CFAP47: variants seen among roughly 807,000 people sequenced by gnomAD.
The protein encoded by CFAP47 is cilia- and flagella-associated protein 47.
A neutral mutation model predicts 148.1 loss-of-function variants in CFAP47; 29 were observed. The observed-to-expected ratio is 0.20, with a 90% confidence interval of 0.15 to 0.27. The LOEUF is 0.27. Ranked by LOEUF, CFAP47 falls within the 10% of genes least tolerant of loss-of-function variation. The probability of loss-of-function intolerance (pLI) is 1.00; values close to 1 mark genes in which losing one functional copy is unlikely to be tolerated. For synonymous variants in CFAP47, 664 were observed against 577.3 expected (o/e 1.15, Z -2.15); for missense variants, 1,872 against 1,697.5 (o/e 1.10, Z -1.81).
At chrX:36,264,240 G>T (rs1940864089) in intron 49 of CFAP47, among the ~76,000 whole-genome samples, 1 of 111,714 alleles carries the variant, frequency 9.0e-6, no homozygotes, top group South Asian at 3.8e-4. Context: ...GGACTTCAGT[G>T]ATGCCAGCTC....
chrX:35,955,832 T>C, intron 7 of CFAP47, 129 bp from the exon 8 acceptor site: 2 of 954,480 alleles, frequency 2.1e-6, no homozygotes, highest in South Asian at 2.5e-5. Context: ...TCAATAATTG[T>C]GTTGAATGAA....
chrX:36,086,859 G>A (rs1326623835), intron 30 of CFAP47, among the ~76,000 whole-genome samples: 2 of 110,863 alleles, frequency 1.8e-5, no homozygotes, highest in East Asian at 5.7e-4. Flanking sequence ...AGTGGCAGTT[G>A]TCTGGCCCTG....
intron 50 of CFAP47, 73 bp downstream of exon 50, chrX:36,280,703 A>G (rs1941069638): frequency 9.9e-6 from 4 of 404,489 alleles, no homozygotes; most frequent in Admixed American, 7.8e-5. Context: ...TGAATGAAAT[A>G]GATAGTTTAC....
chrX:36,356,935 A>C (rs984532280), intron 60 of CFAP47, among the ~76,000 whole-genome samples: 9 of 112,354 alleles, frequency 8.0e-5, no homozygotes, highest in Non-Finnish European at 1.5e-4. Flanking sequence ...AATTATACAA[A>C]TGAATTGGAA....
At chrX:36,262,506 C>T (rs782359421) in intron 49 of CFAP47, among the ~76,000 whole-genome samples, 23 of 111,922 alleles carry the variant, frequency 2.1e-4, no homozygotes, top group Non-Finnish European at 3.0e-4. Context: ...CTTAACATAA[C>T]GATCTCCAAT....
intron 3 of CFAP47, among the ~76,000 whole-genome samples, chrX:35,946,705 A>G (rs1936089464): frequency 8.9e-6 from 1 of 112,019 alleles, no homozygotes; most frequent in Non-Finnish European, 1.9e-5. Context: ...TACATTTGGA[A>G]AATATCATCA....
At chrX:36,138,745 A>T (rs1373968674) in intron 35 of CFAP47, among the ~76,000 whole-genome samples, 1 of 111,398 alleles carries the variant, frequency 9.0e-6, no homozygotes, top group African/African-American at 3.3e-5. Flanking sequence ...AATTATAATC[A>T]TTACTCAAAA....
chrX:36,211,402 T>G (rs1465977025), intron 45 of CFAP47: 2 of 243,746 alleles, frequency 8.2e-6, no homozygotes, highest in East Asian at 2.1e-4. Flanking sequence ...GCACCTAAGA[T>G]GCCTCCTTCG....
rs375051029 is a variant in CFAP47 at position 36,230,657 on chromosome X, C to T, written c.7014+1833C>T. Among the ~76,000 whole-genome samples, 7 of 110,320 alleles carry T rather than the reference C, an allele frequency of 6.3e-5. No individual in the cohort carries two copies. In the South Asian group the frequency reaches 1.9e-3, roughly 31 times the overall value. On this transcript the variant is annotated intron_variant, in intron 46 of 63. Coordinates refer to ENST00000378653, the MANE Select transcript of CFAP47 (RefSeq NM_001304548.2). ...ATTTTGGCTTTTGTTGCCATTGCTTCTGGTGTTTTAGACATGAAGTCCTTG... is the reference window on the plus strand; with the variant it reads ...ATTTTGGCTTTTGTTGCCATTGCTTTTGGTGTTTTAGACATGAAGTCCTTG...
chrX:36,358,953 T>C (rs979709376), intron 60 of CFAP47, among the ~76,000 whole-genome samples: 1 of 111,640 alleles, frequency 9.0e-6, no homozygotes, highest in African/African-American at 3.3e-5. Context: ...CCTCTACTTC[T>C]CCATGGTAGT....
At position 36,306,851 on chromosome X, in the gene CFAP47, C is replaced by T; in HGVS notation, c.8162C>T (p.Ala2721Val). 2.6e-6 allele frequency: 3 copies of T among 1,140,505 alleles called. No homozygotes were observed. Among genetic ancestry groups the T allele is most frequent in the Non-Finnish European group, 3.5e-6 (3 of 850,656 alleles). The allele number at this position is 1,140,505 out of a possible 1,213,427, so 94.0% of individuals were successfully genotyped here. ...PSALGRADHQ[A>V]CINFYCTQFT... Reference sequence around the variant, plus strand: ...GCACTTGGAAGAGCTGATCATCAAGCTTGCATCAACTTCTACTGTACTCAG... The same window carrying T: ...GCACTTGGAAGAGCTGATCATCAAGTTTGCATCAACTTCTACTGTACTCAG... The change falls in exon 55 of 64, where the codon GCT becomes GTT. Residue 2721 changes from alanine to valine, a missense_variant. Coordinates refer to ENST00000378653, the MANE Select transcript of CFAP47 (RefSeq NM_001304548.2).
At chrX:36,087,249 T>TA (rs912875652) in intron 30 of CFAP47, among the ~76,000 whole-genome samples, 7 of 111,945 alleles carry the variant, frequency 6.3e-5, no homozygotes, top group African/African-American at 2.3e-4. Flanking sequence ...ATCATGAAAG[T>TA]AAAAAAACCT....
chrX:36,271,488 G>C (rs782171498), intron 49 of CFAP47, among the ~76,000 whole-genome samples: 2 of 111,704 alleles, frequency 1.8e-5, no homozygotes, highest in Non-Finnish European at 3.8e-5. Context: ...TTTTCTGAGG[G>C]ATGAGAGTTT....
At chrX:36,155,217 A>G in intron 37 of CFAP47, among the ~76,000 whole-genome samples, 1 of 111,319 alleles carries the variant, frequency 9.0e-6, no homozygotes. Context: ...GTTCTCATCT[A>G]TCCTTGAATT....
chrX:36,156,927 G>A (rs1939374423), intron 37 of CFAP47, among the ~76,000 whole-genome samples: 1 of 110,648 alleles, frequency 9.0e-6, no homozygotes, highest in South Asian at 3.9e-4. Context: ...TATTCCATAA[G>A]ACTTAAGTAT....
intron 26 of CFAP47, among the ~76,000 whole-genome samples, chrX:36,057,193 G>C (rs1453621838): frequency 9.0e-6 from 1 of 111,279 alleles, no homozygotes; most frequent in African/African-American, 3.3e-5. Flanking sequence ...CATGCTGTAT[G>C]CTTATCTTTG....
chrX:36,319,924 C>T (rs1941464825), intron 57 of CFAP47, among the ~76,000 whole-genome samples: 1 of 111,209 alleles, frequency 9.0e-6, no homozygotes, highest in Non-Finnish European at 1.9e-5. Context: ...CTCCCAGGTT[C>T]GAGCAATTCT....
At chrX:36,277,391 C>A (rs782238820) in intron 49 of CFAP47, among the ~76,000 whole-genome samples, 1 of 111,906 alleles carries the variant, frequency 8.9e-6, no homozygotes, top group East Asian at 2.8e-4. Context: ...ATGATCTGTG[C>A]CTGGAGGAAT....
At chrX:35,937,983 T>TA (rs1266735823) in intron 2 of CFAP47, among the ~76,000 whole-genome samples, 1 of 112,046 alleles carries the variant, frequency 8.9e-6, no homozygotes, top group East Asian at 2.8e-4. Context: ...AGCTTTTTTT[T>TA]ATGTGTCTCC....
Sources: gnomAD v4.1 joint callset for allele counts (sites outside exome capture counted in the v4.1 genomes callset) on GRCh38, gnomAD v4.1.1 for gene constraint, MANE v1.5 for transcripts, NCBI Gene and HGNC (gene_info 2026-07-23, HGNC 2026-07-21) for gene names.